ARSG: variants seen among roughly 807,000 people sequenced by gnomAD.
ARSG encodes ASG.
In ARSG, 37 loss-of-function variants were observed where a neutral mutation model predicts 50.5. That is an observed-to-expected ratio of 0.73 (90% confidence interval 0.56 to 0.96). The LOEUF is 0.96. Among genes scored for constraint, ARSG ranks in the 50% least tolerant of loss-of-function variants. ARSG has a pLI of 0.00. For synonymous variants in ARSG, 225 were observed against 254.6 expected, an observed-to-expected ratio of 0.88 and a Z score of 1.11; for missense variants, 629 against 675.3, an observed-to-expected ratio of 0.93 and a Z score of 0.76.
At chr17:68,287,047 A>G (rs7212016), upstream of ARSG, among the ~76,000 whole-genome samples, 92,542 of 151,790 alleles carry the variant, frequency 0.61, 28,736 homozygotes, top group African/African-American at 0.73. Context: ...GCCATGGCAC[A>G]ATCTCAGCTC....
At chr17:68,450,695 A>T in the ARSG span, 23 of 1,574,836 alleles carry the variant, frequency 1.5e-5, no homozygotes, top group Non-Finnish European at 2.0e-5. Flanking sequence ...CGTTAGCAGA[A>T]GCTTTGAAAC....
At chr17:68,265,625 C>T (rs2075143247) in intron 1 of ARSG, among the ~76,000 whole-genome samples, 1 of 151,826 alleles carries the variant, frequency 6.6e-6, no homozygotes, top group South Asian at 2.1e-4. Context: ...CAGAGCTTTG[C>T]TTCTGGCGGT....
chr17:68,430,534 G>A, the ARSG span, among the ~76,000 whole-genome samples: 7 of 152,238 alleles, frequency 4.6e-5, 1 homozygote, highest in East Asian at 7.7e-4. Context: ...GGACTGTGCC[G>A]GGCTCATGGA....
the ARSG span, chr17:68,428,811 G>A: frequency 4.0e-3 from 6,357 of 1,595,306 alleles, 218 homozygotes; most frequent in African/African-American, 0.074. Flanking sequence ...GCTGTCTTTT[G>A]AAAAGCAGTC....
In ARSG at chr17:68,307,359, A is replaced by G. The variant is rs1156446977; in HGVS notation, c.-135A>G. The stretch of plus-strand genomic sequence containing the variant: ...TATCACTGCCATCACCACTGCCACC[A>G]GCATCTTCTTGCAGATTCCACCCCT... On this transcript the variant is annotated 5_prime_UTR_variant, in exon 2 of 12. Coordinates refer to ENST00000621439, the MANE Select transcript of ARSG (RefSeq NM_001267727.2). 4.4e-6 allele frequency: 3 copies of G among 683,928 alleles called. No individual in the cohort carries two copies. Among genetic ancestry groups the G allele is most frequent in the Non-Finnish European group, 7.7e-6 (3 of 388,976 alleles). The allele number at this position is 683,928 out of a possible 1,614,324, so 42.4% of individuals were successfully genotyped here.
At chr17:68,298,647 A>C (rs548435684) in intron 1 of ARSG, among the ~76,000 whole-genome samples, 62 of 151,836 alleles carry the variant, frequency 4.1e-4, no homozygotes, top group African/African-American at 1.4e-3. Flanking sequence ...CTAACAACAG[A>C]AATTTACAAA....
At chr17:68,433,760 G>GTTTTTTTTTTTTTTTTTTTTTTTTTT in the ARSG span, among the ~76,000 whole-genome samples, 1 of 72,814 alleles carries the variant, frequency 1.4e-5, no homozygotes, top group African/African-American at 6.6e-5. Context: ...AAGGGTCATA[G>GTTTTTTTTTTTTTTTTTTTTTTTTTT]TTTTTTTTTT....
At chr17:68,387,149 G>T (rs1470326011) in intron 9 of ARSG, among the ~76,000 whole-genome samples, 4 of 151,678 alleles carry the variant, frequency 2.6e-5, no homozygotes, top group African/African-American at 4.9e-5. Flanking sequence ...TTTGTTAAGA[G>T]ACAGGGCATC....
At chr17:68,450,739 GC>G in the ARSG span, 1 of 1,611,836 alleles carries the variant, frequency 6.2e-7, no homozygotes, top group Admixed American at 1.7e-5. Context: ...TGCCGGTTCA[GC>G]CTTATGGACA....
chr17:68,398,100 T>C (rs1240382310), intron 10 of ARSG, among the ~76,000 whole-genome samples: 1 of 152,220 alleles, frequency 6.6e-6, no homozygotes, highest in Non-Finnish European at 1.5e-5. Flanking sequence ...TGTATGTATA[T>C]TCATGTATGC....
At chr17:68,408,275 T>G (rs12949214) in intron 11 of ARSG, among the ~76,000 whole-genome samples, 1 of 56,750 alleles carries the variant, frequency 1.8e-5, no homozygotes, top group Non-Finnish European at 3.2e-5. Flanking sequence ...CCCTCCCCCC[T>G]CCCCCCACCC....
intron 1 of ARSG, among the ~76,000 whole-genome samples, chr17:68,273,084 T>C (rs2075394670): frequency 6.6e-6 from 1 of 152,186 alleles, no homozygotes; most frequent in African/African-American, 2.4e-5. Flanking sequence ...GATTTGTATC[T>C]AGAAAGAAAT....
At chr17:68,269,673 GTT>G (rs782421181) in intron 1 of ARSG, among the ~76,000 whole-genome samples, 14 of 77,898 alleles carry the variant, frequency 1.8e-4, no homozygotes, top group Non-Finnish European at 1.7e-4. Context: ...TTCACTTTAG[GTT>G]TTTTTTTTTT....
At chr17:68,293,389 A>C (rs1442980270) in intron 1 of ARSG, among the ~76,000 whole-genome samples, 1 of 152,174 alleles carries the variant, frequency 6.6e-6, no homozygotes, top group Non-Finnish European at 1.5e-5. Context: ...TGATTTAAAA[A>C]ATGACTCAAA....
chr17:68,271,047 C>T lies in ARSG; in HGVS notation c.-552+11621C>T. ...TAGCAAAAGTAAAGGCAAACAGAGA[C>T]ACAGTCAATAAGATGACGCAGATGA... On this transcript the variant is annotated intron_variant, in intron 1 of 11. Coordinates refer to the ARSG transcript ENST00000448504. The surrounding 1 kb of genome is among the most constrained non-coding windows in gnomAD (Gnocchi z 5.3). The T allele has an allele frequency of 6.2e-7, 1 of 1,614,176 alleles. No homozygotes were observed.
chr17:68,383,724 G>T (rs574809369), intron 8 of ARSG, among the ~76,000 whole-genome samples: 1 of 152,192 alleles, frequency 6.6e-6, no homozygotes, highest in South Asian at 2.1e-4. Flanking sequence ...TTCCAAGTGC[G>T]TGAATAAATT....
chr17:68,444,469 A>G, the ARSG span: 1 of 1,599,528 alleles, frequency 6.3e-7, no homozygotes, highest in Non-Finnish European at 8.5e-7. Context: ...TTTCAGGGAC[A>G]TTTGTTCCAT....
intron 6 of ARSG, among the ~76,000 whole-genome samples, chr17:68,366,465 C>T (rs73998094): frequency 0.019 from 2,956 of 152,200 alleles, 95 homozygotes; most frequent in African/African-American, 0.065. Context: ...GAAATAAGGA[C>T]CCATTCACTC....
the ARSG span, among the ~76,000 whole-genome samples, chr17:68,433,766 T>G: frequency 7.9e-4 from 13 of 16,422 alleles, no homozygotes; most frequent in African/African-American, 2.3e-3. Flanking sequence ...CATAGTTTTT[T>G]TTTTTTTTTT....
Sources: allele counts gnomAD v4.1 joint callset (sites outside exome capture counted in the v4.1 genomes callset), GRCh38; gene constraint gnomAD v4.1.1; non-coding constraint Gnocchi (gnomAD v3.1); transcripts MANE v1.5; gene names NCBI Gene and HGNC (gene_info 2026-07-23, HGNC 2026-07-21).